The following SPTBN1 variants were observed in gnomAD, a reference collection of about 807,000 sequenced individuals.
SPTBN1 encodes the protein spectrin beta, non-erythrocytic 1, also known as spectrin beta chain, non-erythrocytic 1.
Under a neutral mutation model 266.4 loss-of-function variants are expected in SPTBN1, and 32 were observed. The observed-to-expected ratio is 0.12, with a 90% confidence interval of 0.09 to 0.16. The LOEUF is 0.16. Among genes scored for constraint, SPTBN1 ranks in the 10% least tolerant of loss-of-function variants. The probability of loss-of-function intolerance (pLI) is 1.00; values close to 1 mark genes in which losing one functional copy is unlikely to be tolerated. For synonymous variants in SPTBN1, 1,336 were observed against 1,162.2 expected, an observed-to-expected ratio of 1.15 and a Z score of -3.04; for missense variants, 2,296 against 3,067.1, an observed-to-expected ratio of 0.75 and a Z score of 5.94.
intron 2 of SPTBN1, among the ~76,000 whole-genome samples, chr2:54,561,750 TATATAA>T (rs1371674168): frequency 6.7e-6 from 1 of 148,452 alleles, no homozygotes; most frequent in East Asian, 1.9e-4. Flanking sequence ...TATATATTTA[TATATAA>T]ATATAGTTAT....
intron 2 of SPTBN1, among the ~76,000 whole-genome samples, chr2:54,562,661 G>A (rs1666618627): frequency 6.7e-6 from 1 of 148,678 alleles, no homozygotes. Context: ...CTCCCCAGTA[G>A]CTGGGACTAC....
intron 1 of SPTBN1, among the ~76,000 whole-genome samples, chr2:54,504,082 G>A (rs146740949): frequency 2.0e-5 from 3 of 152,270 alleles, no homozygotes; most frequent in East Asian, 3.9e-4. Flanking sequence ...TGCACTGGGT[G>A]GGACTGACTT....
At chr2:54,578,132 C>T (rs556110738) in intron 2 of SPTBN1, among the ~76,000 whole-genome samples, 1 of 152,080 alleles carries the variant, frequency 6.6e-6, no homozygotes, top group South Asian at 2.1e-4. Context: ...TTGTAATGTA[C>T]CCGTGAGAAC....
At chr2:54,602,928 A>G (rs1241020326) in intron 3 of SPTBN1, among the ~76,000 whole-genome samples, 2 of 152,244 alleles carry the variant, frequency 1.3e-5, no homozygotes, top group South Asian at 4.1e-4. Flanking sequence ...TGGACTGGCC[A>G]TGGAACCTCG....
In SPTBN1 at chr2:54,624,668, G is replaced by C. The variant is rs1678212072; in HGVS notation, c.1183-136G>C. 8 of 1,305,692 alleles carry C rather than the reference G, an allele frequency of 6.1e-6. 1 individual carries two copies. In the East Asian group the frequency reaches 1.8e-4, roughly 29 times the overall value. The allele number at this position is 1,305,692 out of a possible 1,614,324, so 80.9% of individuals were successfully genotyped here. Reference sequence around the variant, plus strand: ...TTTTCCTCAAGGCTTGAGAGTCAGTGAGAGTGGGAATGGGATTTCCCATTC... The same window carrying C: ...TTTTCCTCAAGGCTTGAGAGTCAGTCAGAGTGGGAATGGGATTTCCCATTC... On this transcript the variant is annotated intron_variant, in intron 10 of 35. Coordinates refer to ENST00000356805, the MANE Select transcript of SPTBN1 (RefSeq NM_003128.3).
chr2:54,660,864 G>C (rs1353437564), intron 32 of SPTBN1: 2 of 985,306 alleles, frequency 2.0e-6, no homozygotes, highest in East Asian at 2.3e-4. Flanking sequence ...CGCGGCAGGT[G>C]ACAGCCGTTC....
At chr2:54,470,527 T>C (rs1384751016) in intron 1 of SPTBN1, among the ~76,000 whole-genome samples, 1 of 152,212 alleles carries the variant, frequency 6.6e-6, no homozygotes, top group African/African-American at 2.4e-5. Flanking sequence ...ATGTGCTAAT[T>C]AAATATGTTT....
At chr2:54,598,292 A>T (rs1269285442) in intron 2 of SPTBN1, among the ~76,000 whole-genome samples, 1 of 152,244 alleles carries the variant, frequency 6.6e-6, no homozygotes, top group Non-Finnish European at 1.5e-5. Context: ...TTTTCAGCGA[A>T]GGATCACAGT....
At chr2:54,526,701 C>A in intron 2 of SPTBN1, 135 bp downstream of exon 2, 1 of 1,087,632 alleles carries the variant, frequency 9.2e-7, no homozygotes, top group African/African-American at 1.6e-5. Context: ...TCCTTGAGAG[C>A]CAGCTGACCA....
intron 20 of SPTBN1, 45 bp downstream of exon 20, chr2:54,644,631 C>T: frequency 6.4e-7 from 1 of 1,562,824 alleles, no homozygotes; most frequent in Non-Finnish European, 8.7e-7. Context: ...TTCTGTTTTA[C>T]AGCCATAGTC....
intron 2 of SPTBN1, among the ~76,000 whole-genome samples, chr2:54,560,159 T>C (rs1573413830): frequency 7.0e-6 from 1 of 143,474 alleles, no homozygotes; most frequent in South Asian, 2.2e-4. Flanking sequence ...CTGGGGGCGC[T>C]TGCAAGTAGT....
At chr2:54,487,170 C>CTT (rs34779689) in intron 1 of SPTBN1, among the ~76,000 whole-genome samples, 4,216 of 98,422 alleles carry the variant, frequency 0.043, 347 homozygotes, top group African/African-American at 0.17. Flanking sequence ...ATTAGGATTT[C>CTT]TTTTTTTTTT....
chr2:54,499,906 G>A (rs1669160394), intron 1 of SPTBN1, among the ~76,000 whole-genome samples: 1 of 152,232 alleles, frequency 6.6e-6, no homozygotes, highest in Non-Finnish European at 1.5e-5. Context: ...AAAAAGCATT[G>A]CAGCTGTTAT....
At chr2:54,590,096 G>GT (rs1283727367) in intron 2 of SPTBN1, among the ~76,000 whole-genome samples, 1 of 152,224 alleles carries the variant, frequency 6.6e-6, no homozygotes, top group Non-Finnish European at 1.5e-5. Flanking sequence ...CAGGTATGTG[G>GT]TGGCAATTGC....
chr2:54,604,227 G>C (rs559378670), intron 3 of SPTBN1, among the ~76,000 whole-genome samples: 1 of 152,176 alleles, frequency 6.6e-6, no homozygotes, highest in African/African-American at 2.4e-5. Flanking sequence ...GAAGGGGCAG[G>C]GAGTACAGGG....
intron 2 of SPTBN1, among the ~76,000 whole-genome samples, chr2:54,577,544 A>G (rs1288269820): frequency 6.6e-6 from 1 of 152,204 alleles, no homozygotes; most frequent in Non-Finnish European, 1.5e-5. Flanking sequence ...GGTACTGATA[A>G]TGGTAATAGC....
rs757172022 is a variant in SPTBN1 at position 54,629,176 on chromosome 2, G to A, written c.2042G>A (p.Arg681Gln). 26 of 1,613,448 alleles carry A rather than the reference G, an allele frequency of 1.6e-5. No homozygotes were observed. The highest frequency in any genetic ancestry group is 2.7e-5 in the African/African-American group (2 of 74,930). ...GTCATGCGCCTGCTCAGCAAGCACC[G>A]GGCGTTCGAGGACGAGATGAGCGGC... ...TSVMRLLSKHRAFEDEMSGRS... is the reference protein window; with the variant it reads ...TSVMRLLSKHQAFEDEMSGRS... The change falls in exon 14 of 36, where the codon CGG becomes CAG. Residue 681 changes from arginine to glutamine, a missense_variant. This residue lies in a region of SPTBN1 where 434 missense variants were observed against 573.9 expected (regional missense o/e 0.76). Transcript: ENST00000356805.
intron 1 of SPTBN1, among the ~76,000 whole-genome samples, chr2:54,464,909 C>T (rs887571741): frequency 1.3e-5 from 2 of 152,100 alleles, no homozygotes; most frequent in South Asian, 4.1e-4. Context: ...CCAGGCTGGT[C>T]TTCAACTCCT....
intron 2 of SPTBN1, among the ~76,000 whole-genome samples, chr2:54,561,975 G>A (rs1673339629): frequency 6.6e-6 from 1 of 151,274 alleles, no homozygotes; most frequent in South Asian, 2.1e-4. Context: ...GATGGCTGTA[G>A]CATTCACCAC....
Sources: gnomAD v4.1 joint callset for allele counts (sites outside exome capture counted in the v4.1 genomes callset) on GRCh38, gnomAD v4.1.1 for gene constraint, gnomAD v4.1.1 regional missense constraint, MANE v1.5 for transcripts, NCBI Gene and HGNC (gene_info 2026-07-23, HGNC 2026-07-21) for gene names.